The following PLD1 variants were observed in gnomAD, a reference collection of about 807,000 sequenced individuals.
The protein encoded by PLD1 is choline phosphatase 1.
Under a neutral mutation model 137.1 loss-of-function variants are expected in PLD1, and 112 were observed. That is an observed-to-expected ratio of 0.82 (90% CI 0.70 to 0.96). The LOEUF is 0.96. Among genes scored for constraint, PLD1 ranks in the 40% least tolerant of loss-of-function variants. PLD1 has a pLI of 0.00. For synonymous variants in PLD1, 431 were observed against 454.7 expected (o/e 0.95, Z 0.66); for missense variants, 1,321 against 1,342.0 (o/e 0.98, Z 0.24).
intron 23 of PLD1, among the ~76,000 whole-genome samples, chr3:171,642,573 GTTA>G (rs1735854908): frequency 1.3e-5 from 2 of 148,502 alleles, no homozygotes; most frequent in African/African-American, 2.5e-5. Context: ...AAAGATGATT[GTTA>G]TTATTAAAAC....
intron 19 of PLD1, among the ~76,000 whole-genome samples, chr3:171,666,869 G>T (rs911514138): frequency 6.6e-6 from 1 of 152,150 alleles, no homozygotes; most frequent in African/African-American, 2.4e-5. Context: ...ACTTGGACTA[G>T]TCATTTTCTT....
At chr3:171,702,303 T>C (rs1267011793) in intron 11 of PLD1, among the ~76,000 whole-genome samples, 1 of 152,002 alleles carries the variant, frequency 6.6e-6, no homozygotes, top group South Asian at 2.1e-4. Context: ...TTGGGCAACA[T>C]AGCAAGACCC....
At chr3:171,625,263 T>G (rs1733999826) in intron 23 of PLD1, among the ~76,000 whole-genome samples, 1 of 152,284 alleles carries the variant, frequency 6.6e-6, no homozygotes, top group South Asian at 2.1e-4. Flanking sequence ...AGCACAGCAG[T>G]CTGAGATCAA....
intron 23 of PLD1, among the ~76,000 whole-genome samples, chr3:171,637,261 G>A (rs960170143): frequency 6.6e-6 from 1 of 152,136 alleles, no homozygotes; most frequent in Non-Finnish European, 1.5e-5. Context: ...TTTTGAGACG[G>A]AGTCTCACTC....
At chr3:171,704,466 A>AC in intron 11 of PLD1, among the ~76,000 whole-genome samples, 1 of 151,188 alleles carries the variant, frequency 6.6e-6, no homozygotes, top group Non-Finnish European at 1.5e-5. Flanking sequence ...AGGAAAAAAA[A>AC]AAAAAAAAAA....
At chr3:171,702,609 A>C (rs1350594066) in intron 11 of PLD1, among the ~76,000 whole-genome samples, 1 of 152,146 alleles carries the variant, frequency 6.6e-6, no homozygotes, top group Non-Finnish European at 1.5e-5. Flanking sequence ...AATTTAAATA[A>C]AATAAACATA....
At chr3:171,791,613 G>T (rs1723214128) in intron 1 of PLD1, among the ~76,000 whole-genome samples, 1 of 152,068 alleles carries the variant, frequency 6.6e-6, no homozygotes, top group East Asian at 1.9e-4. Context: ...ACATCAAACA[G>T]GAAAAAGCTG....
intron 1 of PLD1, among the ~76,000 whole-genome samples, chr3:171,746,653 C>A (rs1166999131): frequency 3.3e-5 from 5 of 152,162 alleles, no homozygotes; most frequent in African/African-American, 1.2e-4. Flanking sequence ...ACCTTTATGT[C>A]TAGCTAAAGG....
rs1292076491 is a variant in PLD1, at chr3:171,602,981, T to G, written c.*97A>C. 4 of 827,890 alleles carry G rather than the reference T, an allele frequency of 4.8e-6. No individual in the cohort carries two copies. The highest frequency in any genetic ancestry group is 7.9e-6 in the Non-Finnish European group (4 of 503,942). The allele number at this position is 827,890 out of a possible 1,614,324, so 51.3% of individuals were successfully genotyped here. ...AAGGTCCTTGGGTTGGATACGAGAA[T>G]GCGTCAGGCCTGGCTTTGGCTATGA... On this transcript the variant is annotated 3_prime_UTR_variant, in exon 27 of 27. Coordinates refer to ENST00000351298, the MANE Select transcript of PLD1 (RefSeq NM_002662.5).
chr3:171,603,437 C>T, intron 26 of PLD1, 135 bp from the exon 27 acceptor site: 1 of 638,778 alleles, frequency 1.6e-6, no homozygotes, highest in East Asian at 2.7e-5. Context: ...ACAGCACAGA[C>T]CTGATTTAAG....
At chr3:171,628,433 T>C (rs1560159238) in intron 23 of PLD1, among the ~76,000 whole-genome samples, 2 of 152,134 alleles carry the variant, frequency 1.3e-5, no homozygotes, top group Admixed American at 6.5e-5. Flanking sequence ...ACCAGAGGTA[T>C]AAGGAGGAAC....
intron 8 of PLD1, among the ~76,000 whole-genome samples, chr3:171,718,448 A>C (rs549409364): frequency 1.3e-5 from 2 of 152,322 alleles, no homozygotes; most frequent in South Asian, 4.1e-4. Context: ...GAGGAGGAAG[A>C]ACTACTACCC....
rs1732791947 is a variant in PLD1 at position 171,612,997 on chromosome 3, G to T, written c.2729-565C>A. Among the ~76,000 whole-genome samples, 1 of 151,978 alleles carries T rather than the reference G, an allele frequency of 6.6e-6. No individual in the cohort carries two copies. On this transcript the variant is annotated intron_variant, in intron 24 of 26. Coordinates refer to ENST00000351298, the MANE Select transcript of PLD1 (RefSeq NM_002662.5). The surrounding 1 kb of genome is among the most constrained non-coding windows in gnomAD (Gnocchi z 4.1). ...AGCCTGGACAACATAGCGAGACCTGGTCTCTACAAAAAGTTTTTAAAAATT... is the reference window on the plus strand; with the variant it reads ...AGCCTGGACAACATAGCGAGACCTGTTCTCTACAAAAAGTTTTTAAAAATT...
intron 1 of PLD1, among the ~76,000 whole-genome samples, chr3:171,774,076 T>C (rs1722506583): frequency 2.0e-5 from 3 of 152,190 alleles, no homozygotes; most frequent in Admixed American, 6.5e-5. Flanking sequence ...ATGATAAAAC[T>C]GAGGCGTCCA....
intron 1 of PLD1, among the ~76,000 whole-genome samples, chr3:171,794,938 G>A (rs1044464548): frequency 9.2e-5 from 14 of 152,098 alleles, no homozygotes; most frequent in African/African-American, 3.4e-4. Context: ...ACTTGTAATT[G>A]TGTGCAACAC....
chr3:171,649,495 A>G (rs563730745), intron 21 of PLD1, among the ~76,000 whole-genome samples: 2 of 152,356 alleles, frequency 1.3e-5, no homozygotes, highest in South Asian at 4.1e-4. Context: ...CACAGAGGAC[A>G]AGAGTTCCAG....
chr3:171,605,200 T>C, intron 26 of PLD1, 99 bp downstream of exon 26: 2 of 778,420 alleles, frequency 2.6e-6, no homozygotes, highest in Non-Finnish European at 4.5e-6. Context: ...TTACGTTTAT[T>C]AAGAATACCC....
chr3:171,618,848 A>AGTGTGTGTGTGTGT (rs138468678), intron 24 of PLD1, among the ~76,000 whole-genome samples: 7 of 128,696 alleles, frequency 5.4e-5, no homozygotes, highest in Non-Finnish European at 1.1e-4. Context: ...AAATATTAAA[A>AGTGTGTGTGTGTGT]GTGTGTGTGC....
intron 8 of PLD1, among the ~76,000 whole-genome samples, chr3:171,724,171 A>T (rs1478279181): frequency 6.6e-6 from 1 of 152,236 alleles, no homozygotes; most frequent in Non-Finnish European, 1.5e-5. Flanking sequence ...TTGCTGGGAC[A>T]TGTGGTAACT....
Sources: gnomAD v4.1 joint callset for allele counts (sites outside exome capture counted in the v4.1 genomes callset) on GRCh38, gnomAD v4.1.1 for gene constraint, Gnocchi (gnomAD v3.1) non-coding constraint, MANE v1.5 for transcripts, NCBI Gene and HGNC (gene_info 2026-07-23, HGNC 2026-07-21) for gene names.